The following FHL5 variants were observed in gnomAD, a reference collection of about 807,000 sequenced individuals.
FHL5 encodes the protein four and a half LIM domains 5.
A neutral mutation model predicts 32.0 loss-of-function variants in FHL5; 33 were observed. The observed-to-expected ratio is 1.03, with a 90% confidence interval of 0.78 to 1.38. The LOEUF (loss-of-function observed/expected upper bound fraction) is 1.38, where lower values mean the gene tolerates loss of function less well. Among genes scored for constraint, FHL5 ranks in the 40% most tolerant of loss-of-function variants. FHL5 has a pLI of 0.00. For missense variants in FHL5, 336 were observed against 343.9 expected, an observed-to-expected ratio of 0.98 and a Z score of 0.18; for synonymous variants, 114 against 113.6, an observed-to-expected ratio of 1.00 and a Z score of -0.02.
chr6:96,585,123 C>T (rs940934652), intron 1 of FHL5, among the ~76,000 whole-genome samples: 5 of 152,108 alleles, frequency 3.3e-5, no homozygotes, highest in Non-Finnish European at 5.9e-5. Context: ...CAGGTAAATC[C>T]AGTTAATTGT....
rs181610377 is a variant in FHL5 at position 96,567,430 on chromosome 6, G to A, written c.-13+4075G>A. 1.8e-3 allele frequency among the ~76,000 whole-genome samples: 280 copies of A among 151,712 alleles called. 2 individuals carry two copies. The highest frequency in any genetic ancestry group is 2.9e-3 in the Non-Finnish European group (199 of 67,716). On this transcript the variant is annotated intron_variant, in intron 1 of 5. Coordinates refer to ENST00000450218, the MANE Select transcript of FHL5 (RefSeq NM_001322466.2). ...TTGAAGTTCAAAATGTGATTTCTCC[G>A]GCTTTGTTCATTTTGCTCAGGATTG... is the stretch of plus-strand genomic sequence containing the variant.
rs1771227685 is a variant in FHL5 at position 96,604,486 on chromosome 6, T to C, written c.160-264T>C. 2.6e-5 allele frequency among the ~76,000 whole-genome samples: 4 copies of C among 152,140 alleles called. No homozygotes were observed. In the South Asian group the frequency reaches 8.3e-4, roughly 32 times the overall value. ...TCTATTATAGTTTATAAAAAGAATA[T>C]AGGCAAATTTTGAAGACACAGCAGA... On this transcript the variant is annotated intron_variant, in intron 2 of 5. Transcript: ENST00000450218.
chr6:96,612,823 T>C (rs531910351), intron 5 of FHL5, among the ~76,000 whole-genome samples: 274 of 152,308 alleles, frequency 1.8e-3, no homozygotes, highest in Middle Eastern at 3.4e-3. Flanking sequence ...TATTTCTTCA[T>C]CTAATTGTTA....
At chr6:96,590,561 G>A (rs1012846262) in intron 1 of FHL5, among the ~76,000 whole-genome samples, 1 of 151,964 alleles carries the variant, frequency 6.6e-6, no homozygotes, top group Non-Finnish European at 1.5e-5. Context: ...AGCAAATAAT[G>A]AGTTTGTTTC....
intron 1 of FHL5, among the ~76,000 whole-genome samples, chr6:96,597,374 A>AAC (rs1554177425): frequency 1.2e-4 from 18 of 151,900 alleles, no homozygotes; most frequent in African/African-American, 3.6e-4. Context: ...ACACAAAAAA[A>AAC]ATCACATTTT....
chr6:96,586,147 C>T (rs989357325), intron 1 of FHL5, among the ~76,000 whole-genome samples: 6 of 152,204 alleles, frequency 3.9e-5, no homozygotes, highest in African/African-American at 1.4e-4. Context: ...TTCGTGAGCA[C>T]AACTTCCATG....
At chr6:96,588,777 T>C (rs1298392108) in intron 1 of FHL5, among the ~76,000 whole-genome samples, 1 of 152,152 alleles carries the variant, frequency 6.6e-6, no homozygotes, top group Admixed American at 6.5e-5. Context: ...TTATATATTT[T>C]GTTTTCTAAC....
In FHL5 at chr6:96,604,782, A is replaced by G. The variant is rs749609612; in HGVS notation, c.192A>G (p.Glu64=). The change falls in exon 3 of 6, where the codon GAA becomes GAG. Residue 64 remains glutamate, a synonymous_variant. Transcript: ENST00000450218. ...DLCYKDRHWH[E]GCFKCTKCNH... ...GTTACAAAGACCGGCACTGGCATGA[A>G]GGATGCTTCAAGTGCACCAAATGCA... The G allele has an allele frequency of 5.0e-6, 8 of 1,613,650 alleles. No homozygotes were observed. Among genetic ancestry groups the G allele is most frequent in the Non-Finnish European group, 5.9e-6 (7 of 1,179,816 alleles).
rs750274365 is a variant in FHL5 at position 96,604,828 on chromosome 6, C to T, written c.238C>T (p.Pro80Ser). Residue 80 changes from proline (P) to serine (S), a missense_variant, in exon 3 of 6, where the codon CCT (proline) becomes TCT (serine). By Grantham distance (74) the Pro-to-Ser change is moderately conservative. Coordinates refer to ENST00000450218, the MANE Select transcript of FHL5 (RefSeq NM_001322466.2). ...ATGCAATCACTCTTTGGTGGAAAAGCCTTTTGCTGCCAAGGATGAGCGCCT... is the reference window on the plus strand; with the variant it reads ...ATGCAATCACTCTTTGGTGGAAAAGTCTTTTGCTGCCAAGGATGAGCGCCT... ...TKCNHSLVEKPFAAKDERLLC... is the reference protein window; with the variant it reads ...TKCNHSLVEKSFAAKDERLLC... 7 of 1,613,840 alleles carry T rather than the reference C, an allele frequency of 4.3e-6. No individual in the cohort carries two copies. Among genetic ancestry groups the T allele is most frequent in the Non-Finnish European group, 2.5e-6 (3 of 1,179,864 alleles).
intron 1 of FHL5, among the ~76,000 whole-genome samples, chr6:96,583,049 C>A (rs1303085538): frequency 1.3e-5 from 2 of 152,048 alleles, no homozygotes; most frequent in Non-Finnish European, 2.9e-5. Context: ...ACATGGCTTT[C>A]ATAACTGTGG....
chr6:96,592,150 A>AT (rs1770933542), intron 1 of FHL5, among the ~76,000 whole-genome samples: 1 of 152,000 alleles, frequency 6.6e-6, no homozygotes, highest in Admixed American at 6.6e-5. Context: ...TTAGGTGGGA[A>AT]TTTTCTCGTC....
chr6:96,595,291 C>A (rs1771013014), intron 1 of FHL5, among the ~76,000 whole-genome samples: 1 of 151,634 alleles, frequency 6.6e-6, no homozygotes, highest in Non-Finnish European at 1.5e-5. Context: ...ATTTCAGTTT[C>A]TTCTGGTTTC....
At chr6:96,606,588 G>A (rs1377081257) in intron 4 of FHL5, among the ~76,000 whole-genome samples, 1 of 152,076 alleles carries the variant, frequency 6.6e-6, no homozygotes, top group Non-Finnish European at 1.5e-5. Flanking sequence ...CTGACCTCAG[G>A]TGATCCACCT....
At chr6:96,586,307 T>C (rs929403381) in intron 1 of FHL5, among the ~76,000 whole-genome samples, 1 of 152,246 alleles carries the variant, frequency 6.6e-6, no homozygotes, top group Non-Finnish European at 1.5e-5. Flanking sequence ...GGACTTCAAA[T>C]AGTTCATGGA....
intron 1 of FHL5, among the ~76,000 whole-genome samples, chr6:96,593,617 A>C (rs754203613): frequency 1.1e-4 from 16 of 152,158 alleles, no homozygotes; most frequent in Non-Finnish European, 2.2e-4. Flanking sequence ...CAGGCCTGCT[A>C]CATGGAAGGT....
chr6:96,588,748 A>G (rs1770853182), intron 1 of FHL5, among the ~76,000 whole-genome samples: 1 of 152,042 alleles, frequency 6.6e-6, no homozygotes, highest in Non-Finnish European at 1.5e-5. Flanking sequence ...TAATTCACTT[A>G]TTGATTCACA....
chr6:96,605,577 T>C (rs1771258883), intron 3 of FHL5, among the ~76,000 whole-genome samples: 1 of 152,200 alleles, frequency 6.6e-6, no homozygotes. Context: ...TAATGATTAT[T>C]ATGGCCCAAT....
chr6:96,590,983 T>C (rs2127966859), intron 1 of FHL5, among the ~76,000 whole-genome samples: 1 of 152,230 alleles, frequency 6.6e-6, no homozygotes, highest in East Asian at 1.9e-4. Context: ...ATTTAGTTGC[T>C]TGTTATTTGG....
At chr6:96,610,986 ATACTAAACCTAATGG>A (rs532017968) in intron 5 of FHL5, among the ~76,000 whole-genome samples, 5 of 152,260 alleles carry the variant, frequency 3.3e-5, no homozygotes, top group Non-Finnish European at 5.9e-5. Flanking sequence ...AGGTAACTAC[ATACTAAACCTAATGG>A]TACTGACTCT....
Sources: gnomAD v4.1 joint callset for allele counts (sites outside exome capture counted in the v4.1 genomes callset) on GRCh38, gnomAD v4.1.1 for gene constraint, MANE v1.5 for transcripts, NCBI Gene and HGNC (gene_info 2026-07-23, HGNC 2026-07-21) for gene names.